Variants in ST14 observed in about 807,000 individuals in gnomAD.
The protein encoded by ST14 is ST14 transmembrane serine protease matriptase, also known as suppressor of tumorigenicity 14 protein.
ST14 carries 40 observed loss-of-function variants against 96.5 expected under a neutral mutation model. The observed-to-expected ratio is 0.41, with a 90% CI of 0.32 to 0.54. ST14 has a LOEUF of 0.54. ST14 is among the 20% of genes least tolerant of loss of function. The probability of loss-of-function intolerance (pLI) is 0.17; values close to 1 mark genes in which losing one functional copy is unlikely to be tolerated. For missense variants in ST14, 1,066 were observed against 1,188.9 expected (o/e 0.90, Z 1.52); for synonymous variants, 506 against 492.1 (o/e 1.03, Z -0.37).
intron 11 of ST14, among the ~76,000 whole-genome samples, chr11:130,197,420 C>A (rs2136216729): frequency 6.6e-6 from 1 of 152,390 alleles, no homozygotes; most frequent in South Asian, 2.1e-4. Flanking sequence ...GTGCGCGATG[C>A]CGCACTACAT....
intron 7 of ST14, among the ~76,000 whole-genome samples, chr11:130,193,515 G>C (rs1429774001): frequency 2.6e-5 from 4 of 151,678 alleles, no homozygotes; most frequent in Non-Finnish European, 5.9e-5. Flanking sequence ...TGTCGCCCAG[G>C]CTGGAGTGCG....
intron 16 of ST14, among the ~76,000 whole-genome samples, chr11:130,205,481 C>T (rs563016207): frequency 9.6e-4 from 146 of 152,256 alleles, no homozygotes; most frequent in African/African-American, 3.4e-3. Context: ...GAGTTAATCA[C>T]GTTTGCTTTC....
In ST14 at chr11:130,201,320, A is replaced by C. The variant is rs914521530; in HGVS notation, c.1994+1183A>C. On this transcript the variant is annotated intron_variant, in intron 16 of 18. Coordinates refer to ENST00000278742, the MANE Select transcript of ST14 (RefSeq NM_021978.4). ...GGCATGGGCCTTCCAGGAGAATCCAACCTCGGAAGAAGGGGATGCGCTTTC... is the reference window on the plus strand; with the variant it reads ...GGCATGGGCCTTCCAGGAGAATCCACCCTCGGAAGAAGGGGATGCGCTTTC... 1.2e-4 allele frequency among the ~76,000 whole-genome samples: 19 copies of C among 152,360 alleles called. No individual in the cohort carries two copies. The Middle Eastern group carries it at 0.01, about 82-fold the overall frequency.
intron 16 of ST14, among the ~76,000 whole-genome samples, chr11:130,206,795 T>C (rs1953494539): frequency 6.6e-6 from 1 of 152,094 alleles, no homozygotes; most frequent in Admixed American, 6.5e-5. Context: ...CTTGAACTCC[T>C]AACCTCAGGC....
At chr11:130,178,607 G>C (rs138083273) in intron 1 of ST14, among the ~76,000 whole-genome samples, 1 of 152,304 alleles carries the variant, frequency 6.6e-6, no homozygotes, top group Non-Finnish European at 1.5e-5. Flanking sequence ...GGTCCTGGGG[G>C]ACTTTCCTTC....
At chr11:130,169,220 G>A (rs1295351558) in intron 1 of ST14, among the ~76,000 whole-genome samples, 8 of 149,018 alleles carry the variant, frequency 5.4e-5, no homozygotes, top group Non-Finnish European at 1.0e-4. Context: ...TCAGCCTCCC[G>A]AGTAGCTGGG....
At chr11:130,160,498 C>A (rs1017951435) in intron 1 of ST14, among the ~76,000 whole-genome samples, 2 of 152,154 alleles carry the variant, frequency 1.3e-5, no homozygotes, top group African/African-American at 4.8e-5. Flanking sequence ...CTCTCTCCTT[C>A]CCCGTCAAAA....
intron 7 of ST14, among the ~76,000 whole-genome samples, chr11:130,191,640 A>C (rs1201932351): frequency 3.4e-5 from 5 of 145,848 alleles, no homozygotes; most frequent in East Asian, 2.1e-4. Flanking sequence ...CAGTGAGCCG[A>C]GATCGTACCA....
intron 1 of ST14, among the ~76,000 whole-genome samples, chr11:130,180,600 C>G (rs1591882755): frequency 6.6e-6 from 1 of 152,148 alleles, no homozygotes; most frequent in East Asian, 1.9e-4. Flanking sequence ...GTCGTGGGCC[C>G]TGGAGAGTTT....
chr11:130,194,287 C>T lies in ST14; in HGVS notation c.1014C>T (p.Ser338=). ...EATFFQLPRM[S]SCGGRLRKAQ... is the part of the protein sequence containing the mutation. ...CCTTCTTCCAGCTGCCTAGGATGAGCAGTAAGGAAGGGCAGGGCAGGGCGG... is the reference window on the plus strand; with the variant it reads ...CCTTCTTCCAGCTGCCTAGGATGAGTAGTAAGGAAGGGCAGGGCAGGGCGG... The change falls in exon 8 of 19, where the codon AGC becomes AGT. Residue 338 remains serine, a splice_region_variant and synonymous_variant. Transcript: ENST00000278742. 6.2e-7 allele frequency: 1 copy of T among 1,614,156 alleles called. No homozygotes were observed. Among genetic ancestry groups the T allele is most frequent in the Non-Finnish European group, 8.5e-7 (1 of 1,180,026 alleles).
rs1237605805 is a variant in ST14, at chr11:130,194,625, C to T, written c.1016-15C>T. The T allele has an allele frequency of 3.7e-6, 6 of 1,613,628 alleles. No homozygotes were observed. Among genetic ancestry groups the T allele is most frequent in the Non-Finnish European group, 5.1e-6 (6 of 1,179,650 alleles). On this transcript the variant is annotated splice_polypyrimidine_tract_variant and intron_variant, in intron 8 of 18. Transcript: ENST00000278742. Reference sequence around the variant, plus strand: ...GGTTCCTGATCCTCTTGCTTTCTCCCACCTTCCCTCTCAGGCTGTGGAGGC... The same window carrying T: ...GGTTCCTGATCCTCTTGCTTTCTCCTACCTTCCCTCTCAGGCTGTGGAGGC...
intron 1 of ST14, among the ~76,000 whole-genome samples, chr11:130,183,352 G>C (rs1953211615): frequency 6.6e-6 from 1 of 152,164 alleles, no homozygotes; most frequent in South Asian, 2.1e-4. Context: ...TAGACTACCA[G>C]AGGCCACCAG....
chr11:130,190,103 T>C lies in ST14; in HGVS notation c.599-10T>C. On this transcript the variant is annotated splice_polypyrimidine_tract_variant and intron_variant, in intron 5 of 18. Coordinates refer to ENST00000278742, the MANE Select transcript of ST14 (RefSeq NM_021978.4). ...TCAGGAAATGCTTTATTCTCCTTCT[T>C]ATTCTTCAGCCACGGACTCCAAAAC... is the stretch of plus-strand genomic sequence containing the variant. 1 of 1,614,182 alleles carries C rather than the reference T, an allele frequency of 6.2e-7. No homozygotes were observed.
chr11:130,199,529 C>T (rs1292509951), intron 15 of ST14, among the ~76,000 whole-genome samples: 3 of 152,200 alleles, frequency 2.0e-5, no homozygotes, highest in Non-Finnish European at 4.4e-5. Flanking sequence ...CTCACATCAG[C>T]GGTTCATTCG....
intron 1 of ST14, among the ~76,000 whole-genome samples, chr11:130,171,382 T>C (rs950492056): frequency 6.6e-6 from 1 of 152,248 alleles, no homozygotes; most frequent in African/African-American, 2.4e-5. Flanking sequence ...TCCATTCATT[T>C]GCTAAGGAAA....
At position 130,200,879 on chromosome 11, in the gene ST14, C is replaced by T. The variant is rs192767163; in HGVS notation, c.1994+742C>T. On this transcript the variant is annotated intron_variant, in intron 16 of 18. Transcript: ENST00000278742. ...CAGACTTGAGCACAGGTGTGGTCTC[C>T]GGTGAGTCTGCACTGTGCAACTCCT... 1.2e-4 allele frequency among the ~76,000 whole-genome samples: 18 copies of T among 152,316 alleles called. No individual in the cohort carries two copies. The East Asian group carries it at 1.7e-3, about 15-fold the overall frequency.
At chr11:130,176,445 G>A (rs561328880) in intron 1 of ST14, among the ~76,000 whole-genome samples, 7 of 150,518 alleles carry the variant, frequency 4.7e-5, no homozygotes, top group African/African-American at 1.7e-4. Flanking sequence ...CTGGAGTGCC[G>A]TGGCGCAATC....
Position 130,197,891 on chromosome 11 carries a change from C to G in ST14, c.1405C>G (p.Leu469Val), listed in dbSNP as rs1038534820. Residue 469 changes from leucine (L) to valine (V), a missense_variant, in exon 12 of 19, where the codon CTG (leucine) becomes GTG (valine). Coordinates refer to ENST00000278742, the MANE Select transcript of ST14 (RefSeq NM_021978.4). ...CACGGGGCGGTGTATCCGGAAGGAG[C>G]TGCGCTGTGATGGCTGGGCCGACTG... Reference protein sequence around the residue: ...CRTGRCIRKELRCDGWADCTD... With the variant: ...CRTGRCIRKEVRCDGWADCTD... 6 of 1,597,544 alleles carry G rather than the reference C, an allele frequency of 3.8e-6. No individual in the cohort carries two copies. Among genetic ancestry groups the G allele is most frequent in the Non-Finnish European group, 5.1e-6 (6 of 1,175,068 alleles).
rs537388583 is a variant in ST14 at position 130,203,069 on chromosome 11, T to A, written c.1994+2932T>A. 7.9e-5 allele frequency among the ~76,000 whole-genome samples: 12 copies of A among 152,288 alleles called. No individual in the cohort carries two copies. The East Asian group carries it at 2.3e-3, about 29-fold the overall frequency. ...CTGATAGAATCAAATACTGTCAGAC[T>A]TACCGATTGGCTGGGTTTGCAGACA... On this transcript the variant is annotated intron_variant, in intron 16 of 18. Transcript: ENST00000278742.
Sources: allele counts gnomAD v4.1 joint callset (sites outside exome capture counted in the v4.1 genomes callset), GRCh38; gene constraint gnomAD v4.1.1; transcripts MANE v1.5; gene names NCBI Gene and HGNC (gene_info 2026-07-23, HGNC 2026-07-21).